Variants in MGAT4C observed in about 807,000 individuals in gnomAD.
MGAT4C encodes MGAT4 family member C.
Under a neutral mutation model 40.1 loss-of-function variants are expected in MGAT4C, and 19 were observed. The ratio of observed to expected loss-of-function variants is 0.47; its 90% CI spans 0.33 to 0.70. The LOEUF is 0.70. Ranked by LOEUF, MGAT4C falls within the 30% of genes least tolerant of loss-of-function variation. The pLI is 0.02. For synonymous variants in MGAT4C, 181 were observed against 187.1 expected, an observed-to-expected ratio of 0.97 and a Z score of 0.27; for missense variants, 491 against 563.2, an observed-to-expected ratio of 0.87 and a Z score of 1.30.
intron 2 of MGAT4C, among the ~76,000 whole-genome samples, chr12:86,609,812 C>T (rs1962184888): frequency 6.7e-6 from 1 of 148,764 alleles, no homozygotes; most frequent in Admixed American, 6.7e-5. Flanking sequence ...AACTTGCAAA[C>T]AAGGCCGTAG....
At chr12:86,181,904 ATTATT>A (rs1888170234) in intron 1 of MGAT4C, among the ~76,000 whole-genome samples, 1 of 152,058 alleles carries the variant, frequency 6.6e-6, no homozygotes, top group Non-Finnish European at 1.5e-5. Flanking sequence ...ATACTTTAAT[ATTATT>A]TTATATCAGT....
At chr12:86,713,855 A>G (rs924338868) in intron 2 of MGAT4C, among the ~76,000 whole-genome samples, 1 of 151,180 alleles carries the variant, frequency 6.6e-6, no homozygotes, top group Non-Finnish European at 1.5e-5. Flanking sequence ...GGACTTATGT[A>G]TTACATTATT....
chr12:86,547,270 T>C (rs903800938), intron 2 of MGAT4C, among the ~76,000 whole-genome samples: 2 of 152,030 alleles, frequency 1.3e-5, no homozygotes, highest in Non-Finnish European at 2.9e-5. Context: ...CTTCCTCTGC[T>C]TCCTCATCCT....
At chr12:86,117,879 A>G (rs1300402234) in intron 1 of MGAT4C, among the ~76,000 whole-genome samples, 2 of 152,200 alleles carry the variant, frequency 1.3e-5, no homozygotes, top group African/African-American at 4.8e-5. Context: ...GCCTTGAAAT[A>G]CAGGAATCTG....
chr12:86,799,585 A>G (rs1202250259), intron 1 of MGAT4C, among the ~76,000 whole-genome samples: 1 of 151,942 alleles, frequency 6.6e-6, no homozygotes, highest in Non-Finnish European at 1.5e-5. Flanking sequence ...TTGTCAGAAG[A>G]GAGAACAATA....
At chr12:86,522,015 G>A (rs953067557) in intron 2 of MGAT4C, among the ~76,000 whole-genome samples, 1 of 152,072 alleles carries the variant, frequency 6.6e-6, no homozygotes, top group Non-Finnish European at 1.5e-5. Flanking sequence ...GAGACTATGG[G>A]GTTTTCTAGA....
At position 86,361,671 on chromosome 12, in the gene MGAT4C, C is replaced by T. The variant is rs151228660; in HGVS notation, c.-119-27544G>A. On this transcript the variant is annotated intron_variant, in intron 3 of 7. Coordinates refer to the MGAT4C transcript ENST00000548651. Reference sequence around the variant, plus strand: ...TCATACAACCCCATCAAAAAGTGGGCGAAGGATATTAACAGACACTTCTCA... The same window carrying T: ...TCATACAACCCCATCAAAAAGTGGGTGAAGGATATTAACAGACACTTCTCA... Among the ~76,000 whole-genome samples the T allele has an allele frequency of 6.9e-3, 1,053 of 152,184 alleles. 10 individuals are homozygous for T. The highest frequency in any genetic ancestry group is 0.024 in the South Asian group (115 of 4,826).
intron 2 of MGAT4C, among the ~76,000 whole-genome samples, chr12:86,445,965 AT>A (rs1592857592): frequency 1.3e-5 from 2 of 152,086 alleles, no homozygotes; most frequent in Non-Finnish European, 2.9e-5. Context: ...AGTTATATTA[AT>A]TATAGACATG....
chr12:86,090,124 C>T (rs1872629353), intron 1 of MGAT4C, among the ~76,000 whole-genome samples: 1 of 151,454 alleles, frequency 6.6e-6, no homozygotes, highest in South Asian at 2.1e-4. Context: ...TAATTTCATT[C>T]AGGGGCACTT....
intron 2 of MGAT4C, among the ~76,000 whole-genome samples, chr12:86,013,404 G>T (rs961087683): frequency 1.1e-4 from 16 of 152,016 alleles, no homozygotes; most frequent in African/African-American, 3.1e-4. Context: ...ACCACGCCCG[G>T]CTAATTTCTT....
intron 2 of MGAT4C, among the ~76,000 whole-genome samples, chr12:86,439,806 C>T (rs1478165343): frequency 2.6e-5 from 4 of 151,884 alleles, no homozygotes; most frequent in Non-Finnish European, 4.4e-5. Flanking sequence ...ACAACTGACA[C>T]CACAGAAATA....
intron 1 of MGAT4C, among the ~76,000 whole-genome samples, chr12:86,731,274 G>T (rs1169175302): frequency 6.6e-6 from 1 of 152,090 alleles, no homozygotes; most frequent in Non-Finnish European, 1.5e-5. Context: ...CAGAGCTTAT[G>T]ATATTATCAA....
chr12:86,639,215 A>T (rs1166525113), intron 2 of MGAT4C, among the ~76,000 whole-genome samples: 3 of 151,700 alleles, frequency 2.0e-5, no homozygotes, highest in Non-Finnish European at 4.4e-5. Context: ...AATCCATCTG[A>T]TAATGAAGAT....
intron 1 of MGAT4C, among the ~76,000 whole-genome samples, chr12:86,835,965 C>T (rs187035304): frequency 1.9e-3 from 289 of 151,726 alleles, no homozygotes; most frequent in Non-Finnish European, 3.1e-3. Context: ...AAATATGTAC[C>T]ATTTATTGAG....
At chr12:86,698,473 C>T (rs1334773259) in intron 2 of MGAT4C, among the ~76,000 whole-genome samples, 3 of 152,008 alleles carry the variant, frequency 2.0e-5, no homozygotes, top group Admixed American at 6.6e-5. Flanking sequence ...GTCACAGCAG[C>T]TGTCTTACAT....
rs74602527 is a variant in MGAT4C, at chr12:86,308,317, A to G, written c.-57+25748T>C. On this transcript the variant is annotated intron_variant, in intron 4 of 7. Coordinates refer to the MGAT4C transcript ENST00000548651. ...TGTTTCAAGTGCCTGTTAGAGAGAA[A>G]AATACAAATAAAACAGCAACACTAT... 1.2e-4 allele frequency among the ~76,000 whole-genome samples: 18 copies of G among 150,696 alleles called. No homozygotes were observed. The East Asian group carries it at 2.9e-3, about 24-fold the overall frequency.
At chr12:86,524,432 G>C (rs986459795) in intron 2 of MGAT4C, among the ~76,000 whole-genome samples, 3 of 151,702 alleles carry the variant, frequency 2.0e-5, no homozygotes, top group Non-Finnish European at 4.4e-5. Context: ...ATCTACTCTG[G>C]CTACTGTTAG....
chr12:86,078,981 C>G (rs1014353415), intron 1 of MGAT4C, among the ~76,000 whole-genome samples: 2 of 152,146 alleles, frequency 1.3e-5, no homozygotes, highest in Non-Finnish European at 2.9e-5. Flanking sequence ...TCATTGTATT[C>G]ATATCTTAGT....
At chr12:86,023,007 A>G (rs949032798) in intron 2 of MGAT4C, among the ~76,000 whole-genome samples, 11 of 152,108 alleles carry the variant, frequency 7.2e-5, no homozygotes, top group African/African-American at 2.4e-4. Flanking sequence ...ACATTTCTAT[A>G]TTATAAAGTT....
Sources: gnomAD v4.1 joint callset for allele counts (sites outside exome capture counted in the v4.1 genomes callset) on GRCh38, gnomAD v4.1.1 for gene constraint, MANE v1.5 for transcripts, NCBI Gene and HGNC (gene_info 2026-07-23, HGNC 2026-07-21) for gene names.